MOXD1: variants seen among roughly 807,000 people sequenced by gnomAD.
MOXD1 encodes the protein DBH-like monooxygenase protein 1.
MOXD1 carries 62 observed loss-of-function variants against 66.6 expected under a neutral mutation model. That is an observed-to-expected ratio of 0.93 (90% confidence interval 0.76 to 1.15). The LOEUF is 1.15. MOXD1 is among the 50% of genes most tolerant of loss of function. The pLI, the probability that MOXD1 is intolerant of heterozygous loss-of-function variation, is 0.00. For synonymous variants in MOXD1, 303 were observed against 281.9 expected (o/e 1.07, Z -0.75); for missense variants, 847 against 754.6 (o/e 1.12, Z -1.44).
chr6:132,328,469 G>A lies in MOXD1; in HGVS notation c.789C>T (p.Pro263=), dbSNP rs142472059. The A allele has an allele frequency of 7.1e-5, 115 of 1,614,062 alleles. No homozygotes were observed. The African/African-American group carries it at 8.4e-4, about 12-fold the overall frequency. Residue 263 remains proline (P), a synonymous_variant, in exon 5 of 12, where the codon CCC becomes CCT. Transcript: ENST00000367963. Reference sequence around the variant, plus strand: ...CAGTTTCACAGGTGAGGAATGCATCGGGCATGTTGGGGTGATAGCACTCGT... The same window carrying A: ...CAGTTTCACAGGTGAGGAATGCATCAGGCATGTTGGGGTGATAGCACTCGT... ...SGHECYHPNM[P]DAFLTCETVI...
At chr6:132,373,574 T>C (rs1024673755) in intron 2 of MOXD1, among the ~76,000 whole-genome samples, 7 of 152,218 alleles carry the variant, frequency 4.6e-5, no homozygotes, top group Non-Finnish European at 8.8e-5. Flanking sequence ...CTACAGTCAT[T>C]TTATGAATCC....
chr6:132,317,833 T>A (rs1238430067), intron 9 of MOXD1, among the ~76,000 whole-genome samples: 1 of 152,144 alleles, frequency 6.6e-6, no homozygotes, highest in African/African-American at 2.4e-5. Context: ...GATTACTATC[T>A]TAATATTTTA....
intron 10 of MOXD1, among the ~76,000 whole-genome samples, chr6:132,301,496 G>A (rs1774535599): frequency 6.6e-6 from 1 of 151,980 alleles, no homozygotes; most frequent in Non-Finnish European, 1.5e-5. Flanking sequence ...AGCAGATGGA[G>A]AAAAATAATC....
intron 4 of MOXD1, among the ~76,000 whole-genome samples, chr6:132,351,242 A>T (rs1254080626): frequency 6.6e-6 from 1 of 152,000 alleles, no homozygotes; most frequent in Admixed American, 6.6e-5. Context: ...AATGCTTGCA[A>T]CTTTTCCTCA....
At position 132,322,804 on chromosome 6, in the gene MOXD1, C is replaced by G; in HGVS notation, c.1180G>C (p.Gly394Arg). 6.2e-7 allele frequency: 1 copy of G among 1,614,082 alleles called. No homozygotes were observed. The highest frequency in any genetic ancestry group is 8.5e-7 in the Non-Finnish European group (1 of 1,179,994). The change falls in exon 8 of 12, where the codon GGC (glycine) becomes CGC (arginine). Residue 394 changes from glycine (G) to arginine (R), a missense_variant. Gly to Arg is a moderately radical substitution (Grantham distance 125). Transcript: ENST00000367963. ...AAATGACGCAGCCTGATGCCTCTGCCAGCCAGGTGAGCATGGAGAAGAACA... is the reference window on the plus strand; with the variant it reads ...AAATGACGCAGCCTGATGCCTCTGCGAGCCAGGTGAGCATGGAGAAGAACA... Reference protein sequence around the residue: ...FAVLLHAHLAGRGIRLRHFRK... With the variant: ...FAVLLHAHLARRGIRLRHFRK...
At chr6:132,349,100 C>T (rs1052864854) in intron 4 of MOXD1, among the ~76,000 whole-genome samples, 4 of 151,556 alleles carry the variant, frequency 2.6e-5, no homozygotes, top group African/African-American at 9.7e-5. Context: ...ATACACTGCA[C>T]CTTATTTGTA....
At chr6:132,335,844 AT>A (rs1370850482) in intron 4 of MOXD1, among the ~76,000 whole-genome samples, 8 of 152,224 alleles carry the variant, frequency 5.3e-5, no homozygotes, top group Non-Finnish European at 1.2e-4. Flanking sequence ...TCATCAACTC[AT>A]CACAAATACA....
chr6:132,352,864 G>C (rs1775830332), intron 4 of MOXD1, among the ~76,000 whole-genome samples: 1 of 152,106 alleles, frequency 6.6e-6, no homozygotes, highest in Non-Finnish European at 1.5e-5. Context: ...TGCTGGACAA[G>C]GCCTTTTAAC....
intron 4 of MOXD1, among the ~76,000 whole-genome samples, chr6:132,360,202 C>T (rs1775989054): frequency 6.6e-6 from 1 of 152,104 alleles, no homozygotes; most frequent in South Asian, 2.1e-4. Flanking sequence ...TTCTGTAGAC[C>T]TAACAGTCAC....
At chr6:132,364,316 T>G (rs1776073045) in intron 4 of MOXD1, among the ~76,000 whole-genome samples, 1 of 152,178 alleles carries the variant, frequency 6.6e-6, no homozygotes, top group Non-Finnish European at 1.5e-5. Context: ...TACCATTGTT[T>G]CAGTGCAGCC....
chr6:132,303,055 A>T (rs1774577379), intron 10 of MOXD1, among the ~76,000 whole-genome samples: 1 of 150,932 alleles, frequency 6.6e-6, no homozygotes, highest in Admixed American at 6.6e-5. Flanking sequence ...AAATGGATCC[A>T]CCTAAATGTA....
chr6:132,363,581 T>C (rs1776059608), intron 4 of MOXD1, among the ~76,000 whole-genome samples: 1 of 152,150 alleles, frequency 6.6e-6, no homozygotes, highest in Admixed American at 6.5e-5. Context: ...GCCCCATTAG[T>C]ATTGCTCAGA....
At chr6:132,311,365 A>G (rs1442967160) in intron 10 of MOXD1, among the ~76,000 whole-genome samples, 1 of 152,050 alleles carries the variant, frequency 6.6e-6, no homozygotes, top group Non-Finnish European at 1.5e-5. Context: ...TCTGGGAATT[A>G]TAGTTTCATA....
At position 132,320,625 on chromosome 6, in the gene MOXD1, T is replaced by A. The variant is rs9493285; in HGVS notation, c.1365+4A>T. The A allele has an allele frequency of 2.9e-3, 4,719 of 1,601,388 alleles. 141 individuals carry two copies. The African/African-American group carries it at 0.056, about 19-fold the overall frequency. On this transcript the variant is annotated splice_donor_region_variant and intron_variant, in intron 9 of 11. Transcript: ENST00000367963. ...AACTTTAATAATAATAAAAGTTTTC[T>A]TACCCAAGTCATCTCAGCTCTATCT...
At chr6:132,337,896 A>T (rs1268418478) in intron 4 of MOXD1, among the ~76,000 whole-genome samples, 1 of 152,182 alleles carries the variant, frequency 6.6e-6, no homozygotes, top group East Asian at 1.9e-4. Flanking sequence ...GCCAACAAGA[A>T]GTAGTTAATT....
chr6:132,319,545 T>C (rs1443107441), intron 9 of MOXD1, among the ~76,000 whole-genome samples: 1 of 152,048 alleles, frequency 6.6e-6, no homozygotes, highest in Admixed American at 6.5e-5. Flanking sequence ...TATACTCAAA[T>C]GCAATTAATT....
chr6:132,344,434 T>G (rs951096017), intron 4 of MOXD1, among the ~76,000 whole-genome samples: 4 of 152,172 alleles, frequency 2.6e-5, no homozygotes, highest in African/African-American at 9.7e-5. Context: ...TTGACTCTGA[T>G]AGCGGCAGGA....
intron 4 of MOXD1, among the ~76,000 whole-genome samples, chr6:132,345,620 A>C (rs1775653570): frequency 6.6e-6 from 1 of 152,166 alleles, no homozygotes; most frequent in Admixed American, 6.5e-5. Flanking sequence ...AAAGCCTTTG[A>C]AAATATTTAC....
At chr6:132,351,588 C>T (rs188584566) in intron 4 of MOXD1, among the ~76,000 whole-genome samples, 9 of 152,088 alleles carry the variant, frequency 5.9e-5, no homozygotes, top group East Asian at 5.8e-4. Context: ...TTGGTTATAT[C>T]GGTCAGTAGT....
Sources: gnomAD v4.1 joint callset for allele counts (sites outside exome capture counted in the v4.1 genomes callset) on GRCh38, gnomAD v4.1.1 for gene constraint, MANE v1.5 for transcripts, NCBI Gene and HGNC (gene_info 2026-07-23, HGNC 2026-07-21) for gene names.